Variants in SLC38A8 observed in about 807,000 individuals in gnomAD.
The protein encoded by SLC38A8 is amino acid transporter SLC38A8.
A neutral mutation model predicts 46.0 loss-of-function variants in SLC38A8; 65 were observed. The ratio of observed to expected loss-of-function variants is 1.41; its 90% CI spans 1.16 to 1.74. The LOEUF is 1.74. Among genes scored for constraint, SLC38A8 ranks in the 40% most tolerant of loss-of-function variants. The pLI is 0.00. For synonymous variants in SLC38A8, 447 were observed against 243.7 expected (o/e 1.83, Z -7.77); for missense variants, 998 against 567.9 (o/e 1.76, Z -7.70).
intron 7 of SLC38A8, among the ~76,000 whole-genome samples, chr16:84,019,490 C>G (rs1015383246): frequency 1.3e-5 from 2 of 152,254 alleles, no homozygotes; most frequent in African/African-American, 2.4e-5. Flanking sequence ...CTGCTCTCGA[C>G]AGCTTCTTAA....
At chr16:84,018,072 G>A (rs953232695) in intron 7 of SLC38A8, among the ~76,000 whole-genome samples, 24 of 152,140 alleles carry the variant, frequency 1.6e-4, no homozygotes, top group African/African-American at 5.1e-4. Flanking sequence ...ATCTCATAAA[G>A]AAAAGAAACT....
chr16:84,037,108 G>A (rs577337290), intron 2 of SLC38A8, among the ~76,000 whole-genome samples: 2 of 152,318 alleles, frequency 1.3e-5, no homozygotes, highest in South Asian at 4.1e-4. Context: ...TGCAGTGCAG[G>A]CTGATTCTGG....
chr16:84,041,835 C>T (rs76310525), intron 2 of SLC38A8, 134 bp downstream of exon 2: 6 of 787,320 alleles, frequency 7.6e-6, no homozygotes, highest in African/African-American at 5.2e-5. Flanking sequence ...ATTAGCTGAG[C>T]GGGATAGAAA....
chr16:84,039,338 A>C (rs945001957), intron 2 of SLC38A8, among the ~76,000 whole-genome samples: 1 of 152,210 alleles, frequency 6.6e-6, no homozygotes, highest in Non-Finnish European at 1.5e-5. Context: ...GGATTTCTCC[A>C]ATGTCCTCTC....
chr16:84,034,057 G>A (rs1340233161), intron 3 of SLC38A8, among the ~76,000 whole-genome samples: 2 of 152,180 alleles, frequency 1.3e-5, no homozygotes, highest in East Asian at 1.9e-4. Context: ...GCTGGCAGTG[G>A]GGCTGGTCTG....
intron 9 of SLC38A8, among the ~76,000 whole-genome samples, chr16:84,015,246 G>A (rs535159257): frequency 1.3e-5 from 2 of 152,072 alleles, no homozygotes; most frequent in African/African-American, 2.4e-5. Context: ...TCTGTTCTGG[G>A]CTCCAGTGGG....
intron 4 of SLC38A8, 68 bp from the exon 5 acceptor site, chr16:84,032,036 G>A (rs1158682942): frequency 1.2e-5 from 16 of 1,366,962 alleles, no homozygotes; most frequent in Non-Finnish European, 1.6e-5. Flanking sequence ...GGGGACAGTA[G>A]TGGGATCTGA....
At chr16:84,021,204 A>C (rs2085090935) in intron 7 of SLC38A8, among the ~76,000 whole-genome samples, 1 of 152,184 alleles carries the variant, frequency 6.6e-6, no homozygotes, top group African/African-American at 2.4e-5. Context: ...CTGGGATTAC[A>C]GGTGCCCCGC....
At chr16:84,041,663 A>G (rs958370028) in intron 2 of SLC38A8, among the ~76,000 whole-genome samples, 2 of 152,164 alleles carry the variant, frequency 1.3e-5, no homozygotes, top group African/African-American at 2.4e-5. Flanking sequence ...GCAGCTGGCC[A>G]GGCAGGGCGC....
intron 6 of SLC38A8, among the ~76,000 whole-genome samples, chr16:84,024,107 T>C (rs1265242865): frequency 6.6e-6 from 1 of 152,012 alleles, no homozygotes; most frequent in Non-Finnish European, 1.5e-5. Flanking sequence ...ACAGCCCCCC[T>C]CCCCCAAGTT....
At chr16:84,041,848 A>T (rs1343005118) in intron 2 of SLC38A8, 121 bp downstream of exon 2, 1 of 889,450 alleles carries the variant, frequency 1.1e-6, no homozygotes, top group African/African-American at 1.7e-5. Context: ...GATAGAAAAT[A>T]AAACCCCGAA....
chr16:84,038,029 G>A (rs1024787981), intron 2 of SLC38A8, among the ~76,000 whole-genome samples: 4 of 151,792 alleles, frequency 2.6e-5, no homozygotes, highest in African/African-American at 9.7e-5. Flanking sequence ...AAAATTTTCA[G>A]GCCAGGTGCT....
chr16:84,026,088 T>A (rs1259322121), intron 6 of SLC38A8, among the ~76,000 whole-genome samples: 2 of 151,950 alleles, frequency 1.3e-5, no homozygotes, highest in Admixed American at 1.3e-4. Context: ...AGGTGGGGAG[T>A]CCCCGAACGG....
At chr16:84,012,752 T>C (rs1470413509) in intron 10 of SLC38A8, among the ~76,000 whole-genome samples, 2 of 152,126 alleles carry the variant, frequency 1.3e-5, no homozygotes, top group Admixed American at 1.3e-4. Flanking sequence ...GGAATCTACA[T>C]GAAATCCCAA....
At chr16:84,021,157 G>A (rs926770030) in intron 7 of SLC38A8, among the ~76,000 whole-genome samples, 5 of 152,128 alleles carry the variant, frequency 3.3e-5, no homozygotes, top group African/African-American at 7.2e-5. Flanking sequence ...CCAGCTCCCA[G>A]GTTCAATTGA....
chr16:84,028,657 G>T (rs562699653), intron 6 of SLC38A8, among the ~76,000 whole-genome samples: 19 of 151,344 alleles, frequency 1.3e-4, no homozygotes, highest in African/African-American at 4.4e-4. Context: ...CCCAGAAGCA[G>T]AGGACTGAGC....
chr16:84,026,165 G>A (rs2085162043), intron 6 of SLC38A8, among the ~76,000 whole-genome samples: 1 of 152,260 alleles, frequency 6.6e-6, no homozygotes, highest in African/African-American at 2.4e-5. Context: ...GTGCCAGACA[G>A]GTTGGTGGGC....
At chr16:84,017,094 T>C (rs1402637162) in intron 8 of SLC38A8, 46 bp downstream of exon 8, 20 of 1,609,168 alleles carry the variant, frequency 1.2e-5, no homozygotes, top group African/African-American at 5.4e-5. Context: ...ACAGCACACA[T>C]CAGCAGACCA....
intron 6 of SLC38A8, among the ~76,000 whole-genome samples, chr16:84,028,630 G>A (rs1367190741): frequency 1.3e-5 from 2 of 150,942 alleles, no homozygotes; most frequent in Admixed American, 6.6e-5. Flanking sequence ...TAGGAGGGCT[G>A]CGGGAACCCA....
Sources: gnomAD v4.1 joint callset for allele counts (sites outside exome capture counted in the v4.1 genomes callset) on GRCh38, gnomAD v4.1.1 for gene constraint, MANE v1.5 for transcripts, NCBI Gene and HGNC (gene_info 2026-07-23, HGNC 2026-07-21) for gene names.